Variants in UMAD1 observed in about 807,000 individuals in gnomAD.
The protein encoded by UMAD1 is UBAP1-MVB12-associated (UMA)-domain containing protein 1.
UMAD1 carries 8 observed loss-of-function variants against 6.1 expected under a neutral mutation model. The observed-to-expected ratio is 1.30, with a 90% CI of 0.76 to 2.35. The LOEUF (loss-of-function observed/expected upper bound fraction) is 2.35, where lower values mean the gene tolerates loss of function less well. Ranked by LOEUF, UMAD1 falls within the 30% of genes most tolerant of loss-of-function variation. UMAD1 has a pLI of 0.00. For missense variants in UMAD1, 130 were observed against 78.4 expected, an observed-to-expected ratio of 1.66 and a Z score of -2.49; for synonymous variants, 56 against 31.4, an observed-to-expected ratio of 1.78 and a Z score of -2.61.
In UMAD1 at chr7:7,781,499, A is replaced by G. The variant is rs934112710; in HGVS notation, c.83-20171A>G. Among the ~76,000 whole-genome samples, 6 of 152,150 alleles carry G rather than the reference A, an allele frequency of 3.9e-5. No homozygotes were observed. In the South Asian group the frequency reaches 1.0e-3, roughly 26 times the overall value. On this transcript the variant is annotated intron_variant, in intron 2 of 3. Coordinates refer to ENST00000682710, the MANE Select transcript of UMAD1 (RefSeq NM_001302348.2). The stretch of plus-strand genomic sequence containing the variant: ...AAAAAAATGTCATATTTATATGTTT[A>G]TAATCCTATCCAGAAATGATTCTCC...
intron 2 of UMAD1, among the ~76,000 whole-genome samples, chr7:7,768,112 T>G (rs1434221332): frequency 6.6e-6 from 1 of 152,170 alleles, no homozygotes; most frequent in African/African-American, 2.4e-5. Context: ...GGTTCTTGTG[T>G]TTGCTTACTT....
intron 2 of UMAD1, among the ~76,000 whole-genome samples, chr7:7,730,340 C>T (rs567626378): frequency 6.6e-6 from 1 of 152,134 alleles, no homozygotes; most frequent in Non-Finnish European, 1.5e-5. Context: ...TTTAGACACT[C>T]CCCAGGTGAT....
chr7:7,838,334 A>C lies in UMAD1; in HGVS notation c.156+36591A>C, dbSNP rs139141925. 1.1e-3 allele frequency among the ~76,000 whole-genome samples: 169 copies of C among 152,296 alleles called. 2 individuals carry two copies. Among genetic ancestry groups the C allele is most frequent in the Non-Finnish European group, 1.8e-4 (12 of 68,008 alleles). On this transcript the variant is annotated intron_variant, in intron 3 of 3. Coordinates refer to ENST00000682710, the MANE Select transcript of UMAD1 (RefSeq NM_001302348.2). ...AGAGAGTAAAAATTAGTGAGGGAAT[A>C]CATGATTTGAGCAACAGAGTTAATA...
intron 1 of UMAD1, among the ~76,000 whole-genome samples, chr7:7,650,177 T>C (rs1051286656): frequency 5.3e-5 from 8 of 152,246 alleles, no homozygotes; most frequent in Non-Finnish European, 8.8e-5. Context: ...TTTAGTTCTG[T>C]TTTGATTTCT....
intron 2 of UMAD1, among the ~76,000 whole-genome samples, chr7:7,725,314 C>T (rs1781120011): frequency 6.6e-6 from 1 of 152,160 alleles, no homozygotes; most frequent in Admixed American, 6.5e-5. Context: ...CAGGAGAAGG[C>T]TCTGCAACAG....
chr7:7,696,713 C>A lies in UMAD1; in HGVS notation c.82+23260C>A, dbSNP rs113839742. The stretch of plus-strand genomic sequence containing the variant: ...CGTAAAGATTTTTCTGCCTCTAGAA[C>A]TGCTCAAAGTCAGCTCTCAATAGTG... On this transcript the variant is annotated intron_variant, in intron 2 of 3. Transcript: ENST00000682710. Among the ~76,000 whole-genome samples the A allele has an allele frequency of 3.0e-3, 459 of 152,266 alleles. 1 individual carries two copies. Among genetic ancestry groups the A allele is most frequent in the African/African-American group, 0.011 (441 of 41,556 alleles).
At chr7:7,816,432 T>C (rs1783128329) in intron 3 of UMAD1, among the ~76,000 whole-genome samples, 2 of 152,212 alleles carry the variant, frequency 1.3e-5, no homozygotes, top group African/African-American at 4.8e-5. Flanking sequence ...AGATTGCTGC[T>C]GTTAGTTGCT....
At chr7:7,678,283 C>T (rs1399871297) in intron 2 of UMAD1, among the ~76,000 whole-genome samples, 1 of 151,346 alleles carries the variant, frequency 6.6e-6, no homozygotes, top group African/African-American at 2.4e-5. Context: ...GCCATTTTAA[C>T]TGGGTTGAGA....
intron 2 of UMAD1, among the ~76,000 whole-genome samples, chr7:7,698,495 C>CA (rs1294676109): frequency 6.6e-6 from 1 of 152,182 alleles, no homozygotes; most frequent in African/African-American, 2.4e-5. Context: ...CCTGATTTAA[C>CA]AAAATGTGTT....
chr7:7,727,063 A>G (rs1321367482), intron 2 of UMAD1, among the ~76,000 whole-genome samples: 3 of 148,278 alleles, frequency 2.0e-5, no homozygotes, highest in South Asian at 4.5e-4. Flanking sequence ...CTCCATCTGG[A>G]AAAAAACCCA....
intron 2 of UMAD1, among the ~76,000 whole-genome samples, chr7:7,754,695 A>G (rs1781742035): frequency 6.6e-6 from 1 of 152,238 alleles, no homozygotes; most frequent in African/African-American, 2.4e-5. Context: ...ATTTTAAATG[A>G]ATAATTTCAT....
At chr7:7,814,709 C>T (rs1276966532) in intron 3 of UMAD1, among the ~76,000 whole-genome samples, 1 of 152,020 alleles carries the variant, frequency 6.6e-6, no homozygotes, top group African/African-American at 2.4e-5. Context: ...TCATCTTTTG[C>T]TCCTCTTTCA....
intron 2 of UMAD1, among the ~76,000 whole-genome samples, chr7:7,686,730 A>G (rs1173108615): frequency 1.3e-5 from 2 of 152,174 alleles, no homozygotes; most frequent in East Asian, 1.9e-4. Context: ...TAGTCCCTCA[A>G]TATCTGTTTC....
chr7:7,788,902 G>A (rs1397793127), intron 2 of UMAD1, among the ~76,000 whole-genome samples: 1 of 152,000 alleles, frequency 6.6e-6, no homozygotes, highest in African/African-American at 2.4e-5. Flanking sequence ...ACACATATTC[G>A]CCCTGAAATT....
intron 3 of UMAD1, among the ~76,000 whole-genome samples, chr7:7,808,109 T>C (rs1782954281): frequency 6.6e-6 from 1 of 152,028 alleles, no homozygotes; most frequent in Admixed American, 6.6e-5. Flanking sequence ...TTTGGGCTTA[T>C]TAAAATTAAT....
chr7:7,834,636 C>G (rs892119934), intron 3 of UMAD1, among the ~76,000 whole-genome samples: 1 of 151,922 alleles, frequency 6.6e-6, no homozygotes, highest in Non-Finnish European at 1.5e-5. Flanking sequence ...AAAGAACTCT[C>G]TCCCTCTTCT....
intron 3 of UMAD1, among the ~76,000 whole-genome samples, chr7:7,874,809 G>C (rs923972750): frequency 6.6e-6 from 1 of 152,152 alleles, no homozygotes; most frequent in Non-Finnish European, 1.5e-5. Flanking sequence ...GACAGGACGG[G>C]GGTTGATTGT....
chr7:7,802,724 C>A (rs1331335604), intron 3 of UMAD1, among the ~76,000 whole-genome samples: 1 of 152,146 alleles, frequency 6.6e-6, no homozygotes, highest in Non-Finnish European at 1.5e-5. Context: ...CTGCATACAA[C>A]TAGAGGGAGG....
intron 2 of UMAD1, among the ~76,000 whole-genome samples, chr7:7,777,911 T>G (rs1045026323): frequency 2.6e-5 from 4 of 152,188 alleles, no homozygotes; most frequent in South Asian, 2.1e-4. Flanking sequence ...CTAACCCTGA[T>G]CTAGCTGTGT....
Sources: allele counts gnomAD v4.1 joint callset (sites outside exome capture counted in the v4.1 genomes callset), GRCh38; gene constraint gnomAD v4.1.1; transcripts MANE v1.5; gene names NCBI Gene and HGNC (gene_info 2026-07-23, HGNC 2026-07-21).